Variants in BAZ2B observed in about 807,000 individuals in gnomAD.
The protein encoded by BAZ2B is bromodomain adjacent to zinc finger domain 2B.
In BAZ2B, 91 loss-of-function variants were observed where a neutral mutation model predicts 246.0. That is an observed-to-expected ratio of 0.37 (90% confidence interval 0.31 to 0.44). The LOEUF is 0.44. Ranked by LOEUF, BAZ2B falls within the 20% of genes least tolerant of loss-of-function variation. The pLI is 1.00. For synonymous variants in BAZ2B, 855 were observed against 860.0 expected (o/e 0.99, Z 0.10); for missense variants, 2,332 against 2,533.7 (o/e 0.92, Z 1.71).
chr2:159,377,770 C>G (rs536396634), intron 25 of BAZ2B, among the ~76,000 whole-genome samples: 2 of 146,052 alleles, frequency 1.4e-5, no homozygotes, highest in East Asian at 4.0e-4. Context: ...TGAGATGGTG[C>G]CCCTGCACTC....
intron 13 of BAZ2B, among the ~76,000 whole-genome samples, chr2:159,427,197 G>A (rs1242764657): frequency 6.6e-6 from 1 of 152,012 alleles, no homozygotes; most frequent in African/African-American, 2.4e-5. Flanking sequence ...CTCCTTAACT[G>A]GGACCCCTTT....
chr2:159,443,568 T>A (rs2073807050), intron 6 of BAZ2B, among the ~76,000 whole-genome samples: 1 of 152,180 alleles, frequency 6.6e-6, no homozygotes, highest in Admixed American at 6.5e-5. Flanking sequence ...CAATGCCCTT[T>A]ATCTCCATTT....
intron 1 of BAZ2B, among the ~76,000 whole-genome samples, chr2:159,613,119 T>G (rs908440742): frequency 3.9e-5 from 6 of 152,130 alleles, no homozygotes; most frequent in Non-Finnish European, 7.4e-5. Flanking sequence ...ATAAACAATA[T>G]TCAAGTAAAA....
chr2:159,670,987 T>C, the BAZ2B span, among the ~76,000 whole-genome samples: 1 of 152,230 alleles, frequency 6.6e-6, no homozygotes, highest in East Asian at 1.9e-4. Context: ...GAAAAAATGT[T>C]GGCCTTCAAA....
chr2:159,531,330 G>T (rs368589611), intron 2 of BAZ2B, among the ~76,000 whole-genome samples: 3 of 151,810 alleles, frequency 2.0e-5, no homozygotes, highest in Admixed American at 6.6e-5. Context: ...AATTTTTTTC[G>T]ATCAATTTTT....
At chr2:159,603,150 C>G (rs1429210349) in intron 1 of BAZ2B, among the ~76,000 whole-genome samples, 1 of 151,988 alleles carries the variant, frequency 6.6e-6, no homozygotes, top group Non-Finnish European at 1.5e-5. Flanking sequence ...AAAACAAAAA[C>G]AAAAACAAAA....
chr2:159,674,080 T>C, the BAZ2B span, among the ~76,000 whole-genome samples: 163 of 152,186 alleles, frequency 1.1e-3, no homozygotes, highest in Admixed American at 1.7e-3. Flanking sequence ...CAGTGGCTGA[T>C]ACTTGTAATC....
chr2:159,537,626 C>A (rs1039589060), intron 2 of BAZ2B, among the ~76,000 whole-genome samples: 1 of 152,192 alleles, frequency 6.6e-6, no homozygotes, highest in African/African-American at 2.4e-5. Context: ...AATTGCTGAG[C>A]CTTTCGGAGT....
At chr2:159,470,771 T>C (rs558319076) in intron 3 of BAZ2B, among the ~76,000 whole-genome samples, 1 of 152,342 alleles carries the variant, frequency 6.6e-6, no homozygotes, top group East Asian at 1.9e-4. Context: ...TGTGGTATCA[T>C]TTAATGATAG....
intron 1 of BAZ2B, among the ~76,000 whole-genome samples, chr2:159,590,222 A>ACC (rs1689030670): frequency 9.6e-6 from 1 of 103,822 alleles, no homozygotes; most frequent in Non-Finnish European, 2.1e-5. Context: ...AAAAAAAAAA[A>ACC]AAAAAAAAAC....
chr2:159,615,849 G>GT (rs1695952131), intron 1 of BAZ2B: 1 of 152,418 alleles, frequency 6.6e-6, no homozygotes, highest in Non-Finnish European at 1.5e-5. Context: ...ACTCGCGGCG[G>GT]CAGCGCCTGC....
At chr2:159,523,351 A>G (rs1165428979) in intron 2 of BAZ2B, among the ~76,000 whole-genome samples, 1 of 152,150 alleles carries the variant, frequency 6.6e-6, no homozygotes, top group Non-Finnish European at 1.5e-5. Context: ...ACAGTGAGCT[A>G]TGACTGTGCC....
intron 1 of BAZ2B, among the ~76,000 whole-genome samples, chr2:159,579,384 G>C (rs1416357901): frequency 6.6e-6 from 1 of 152,160 alleles, no homozygotes; most frequent in Non-Finnish European, 1.5e-5. Flanking sequence ...GGAAGAAGTT[G>C]AATCCCTGAA....
intron 2 of BAZ2B, among the ~76,000 whole-genome samples, chr2:159,492,285 C>T (rs1004487298): frequency 2.0e-5 from 3 of 152,170 alleles, no homozygotes; most frequent in Admixed American, 6.5e-5. Flanking sequence ...ATGAATGACA[C>T]CCCTGACAAG....
chr2:159,451,456 G>T (rs952354385), intron 4 of BAZ2B, among the ~76,000 whole-genome samples: 2 of 152,074 alleles, frequency 1.3e-5, no homozygotes, highest in African/African-American at 4.8e-5. Flanking sequence ...GCCAATTATA[G>T]AAAATTTATA....
intron 14 of BAZ2B, among the ~76,000 whole-genome samples, chr2:159,405,814 A>T (rs546830097): frequency 2.8e-4 from 42 of 148,944 alleles, no homozygotes; most frequent in African/African-American, 4.8e-4. Flanking sequence ...TTAACATATA[A>T]AAAAAAAAGA....
intron 31 of BAZ2B, among the ~76,000 whole-genome samples, chr2:159,341,246 A>C (rs1355342677): frequency 7.2e-6 from 1 of 138,786 alleles, no homozygotes; most frequent in Middle Eastern, 3.3e-3. Context: ...AAAAAAAACA[A>C]ACAAACAAAC....
Position 159,509,035 on chromosome 2 carries a change from T to C in BAZ2B, c.-2-30314A>G, listed in dbSNP as rs923986502. Among the ~76,000 whole-genome samples, 10 of 152,302 alleles carry C rather than the reference T, an allele frequency of 6.6e-5. No homozygotes were observed. The East Asian group carries it at 1.5e-3, about 23-fold the overall frequency. On this transcript the variant is annotated intron_variant, in intron 2 of 36. Coordinates refer to ENST00000392783, the MANE Select transcript of BAZ2B (RefSeq NM_013450.4). ...CCTCACTGATCTATGAAAAGATAGGTAAACATTGTTCTCCTAATCCATATT... is the reference window on the plus strand; with the variant it reads ...CCTCACTGATCTATGAAAAGATAGGCAAACATTGTTCTCCTAATCCATATT...
At chr2:159,588,225 A>T (rs1170751100) in intron 1 of BAZ2B, among the ~76,000 whole-genome samples, 1 of 151,598 alleles carries the variant, frequency 6.6e-6, no homozygotes, top group Non-Finnish European at 1.5e-5. Context: ...AAAAAAAAAA[A>T]AAAAAAACCC....
Sources: gnomAD v4.1 joint callset for allele counts (sites outside exome capture counted in the v4.1 genomes callset) on GRCh38, gnomAD v4.1.1 for gene constraint, MANE v1.5 for transcripts, NCBI Gene and HGNC (gene_info 2026-07-23, HGNC 2026-07-21) for gene names.